BBS7: variants seen among roughly 807,000 people sequenced by gnomAD.
BBS7 encodes Bardet-Biedl syndrome 7, also known as BBSome complex member BBS7.
In BBS7, 50 loss-of-function variants were observed where a neutral mutation model predicts 90.3. The observed-to-expected ratio is 0.55, with a 90% CI of 0.44 to 0.70. The LOEUF is 0.70. BBS7 is among the 30% of genes least tolerant of loss of function. The pLI is 0.00. For synonymous variants in BBS7, 235 were observed against 287.4 expected, an observed-to-expected ratio of 0.82 and a Z score of 1.85; for missense variants, 729 against 838.9, an observed-to-expected ratio of 0.87 and a Z score of 1.62.
chr4:121,857,796 C>T (rs1479390097), intron 5 of BBS7, among the ~76,000 whole-genome samples: 1 of 133,028 alleles, frequency 7.5e-6, no homozygotes, highest in Non-Finnish European at 1.5e-5. Flanking sequence ...TAAAATGAAC[C>T]TTTTTTCTTT....
chr4:121,839,029 T>A (rs1725599035), intron 13 of BBS7, among the ~76,000 whole-genome samples: 1 of 152,134 alleles, frequency 6.6e-6, no homozygotes, highest in Non-Finnish European at 1.5e-5. Context: ...ATAATAGTGT[T>A]GTAGTTATGT....
At chr4:121,848,137 C>T (rs999077436) in intron 9 of BBS7, among the ~76,000 whole-genome samples, 2 of 152,078 alleles carry the variant, frequency 1.3e-5, no homozygotes, top group Admixed American at 6.5e-5. Flanking sequence ...ACATTTTCTC[C>T]TTATTTTTTA....
intron 4 of BBS7, among the ~76,000 whole-genome samples, chr4:121,860,932 A>G (rs1043500780): frequency 6.6e-6 from 1 of 152,184 alleles, no homozygotes; most frequent in Non-Finnish European, 1.5e-5. Flanking sequence ...AGGACAAGGA[A>G]TTGTTTAAGT....
At chr4:121,870,084 C>A (rs1727501963) in intron 1 of BBS7, among the ~76,000 whole-genome samples, 194 bp downstream of exon 1, 2 of 152,302 alleles carry the variant, frequency 1.3e-5, no homozygotes, top group African/African-American at 4.8e-5. Flanking sequence ...TGCCGCTTTT[C>A]CCCGGTCCCC....
chr4:121,865,593 T>C (rs1727223843), intron 2 of BBS7, among the ~76,000 whole-genome samples: 1 of 152,064 alleles, frequency 6.6e-6, no homozygotes, highest in Non-Finnish European at 1.5e-5. Flanking sequence ...TATATACCAC[T>C]TTTTTTTATA....
intron 8 of BBS7, among the ~76,000 whole-genome samples, chr4:121,850,767 G>T (rs932101783): frequency 3.9e-5 from 6 of 152,034 alleles, no homozygotes; most frequent in African/African-American, 1.4e-4. Flanking sequence ...TGGAAGGAAG[G>T]GACACTAGCA....
chr4:121,848,800 T>C, intron 9 of BBS7, 44 bp downstream of exon 9: 1 of 1,494,722 alleles, frequency 6.7e-7, no homozygotes, highest in Non-Finnish European at 9.3e-7. Context: ...TAATTTTTTT[T>C]GTTGTTGACT....
chr4:121,832,144 AC>A (rs1725223043), intron 15 of BBS7, among the ~76,000 whole-genome samples: 3 of 151,984 alleles, frequency 2.0e-5, no homozygotes, highest in African/African-American at 7.3e-5. Context: ...GGAGTTTGAG[AC>A]CAGCTTGACC....
intron 6 of BBS7, 116 bp from the exon 7 acceptor site, chr4:121,854,936 A>G: frequency 2.0e-6 from 2 of 1,011,436 alleles, no homozygotes; most frequent in Non-Finnish European, 2.9e-6. Flanking sequence ...AAGATATAAA[A>G]CTTAATTGTT....
At chr4:121,832,004 A>C (rs897650718) in intron 15 of BBS7, among the ~76,000 whole-genome samples, 2 of 122,244 alleles carry the variant, frequency 1.6e-5, no homozygotes, top group East Asian at 4.3e-4. Context: ...AGCAAAAAAA[A>C]CAAAAACACA....
At position 121,828,516 on chromosome 4, in the gene BBS7, T is replaced by G. The variant is rs779593410; in HGVS notation, c.1787-11A>C. 49 of 1,601,408 alleles carry G rather than the reference T, an allele frequency of 3.1e-5. No homozygotes were observed. Among genetic ancestry groups the G allele is most frequent in the Non-Finnish European group, 4.1e-5 (48 of 1,168,680 alleles). ...ATACTTCATTTATCTCTAGAAGGAG[T>G]TGACCAGATGCAGTTAGATAAATCA... On this transcript the variant is annotated splice_polypyrimidine_tract_variant and intron_variant, in intron 16 of 18. Coordinates refer to ENST00000264499, the MANE Select transcript of BBS7 (RefSeq NM_176824.3).
rs773038370 is a variant in BBS7, at chr4:121,845,689, A to G, written c.1045T>C (p.Leu349=). Residue 349 remains leucine, a synonymous_variant, in exon 11 of 19, where the codon TTG becomes CTG. Coordinates refer to ENST00000264499, the MANE Select transcript of BBS7 (RefSeq NM_176824.3). ...AATACCTTATACTGCAAATGTTCCA[A>G]CTCATTCCTGGAGAAAAACACATAC... ...QNKISSLRNE[L]EHLQYKVLQE... The G allele has an allele frequency of 6.8e-6, 11 of 1,612,024 alleles. No individual in the cohort carries two copies. Among genetic ancestry groups the G allele is most frequent in the Non-Finnish European group, 6.8e-6 (8 of 1,178,642 alleles).
At chr4:121,842,963 G>A (rs917623271) in intron 12 of BBS7, among the ~76,000 whole-genome samples, 8 of 152,222 alleles carry the variant, frequency 5.3e-5, no homozygotes, top group African/African-American at 1.4e-4. Context: ...TCTGTTGAAT[G>A]AAGTTTAGTA....
chr4:121,828,011 A>G (rs1372790029), intron 18 of BBS7, 135 bp downstream of exon 18: 8 of 1,489,750 alleles, frequency 5.4e-6, no homozygotes, highest in African/African-American at 1.4e-5. Flanking sequence ...TTTGTTGTCA[A>G]CTGATTCATG....
chr4:121,867,905 A>G (rs1337757606), intron 2 of BBS7, 76 bp downstream of exon 2: 14 of 1,250,064 alleles, frequency 1.1e-5, no homozygotes, highest in Non-Finnish European at 1.5e-5. Flanking sequence ...GAATAACTTA[A>G]TAATAAAGAA....
At position 121,868,008 on chromosome 4, in the gene BBS7, A is replaced by G. The variant is rs201906533; in HGVS notation, c.75T>C (p.Pro25=). The change falls in exon 2 of 19, where the codon CCT becomes CCC. Residue 25 remains proline (P), a synonymous_variant. Transcript: ENST00000264499. ...VTSQKTMKLI[P]ASRHRATQKV... ...TTTGTGTAGCTCTGTGTCTTGAGGC[A>G]GGAATTAGCTTCATAGTCTTCTGAG... 1 of 1,613,654 alleles carries G rather than the reference A, an allele frequency of 6.2e-7. No individual in the cohort carries two copies. Among genetic ancestry groups the G allele is most frequent in the Non-Finnish European group, 8.5e-7 (1 of 1,179,680 alleles).
In BBS7 at chr4:121,867,975, C is replaced by T. The variant is rs761226816; in HGVS notation, c.102+6G>A. On this transcript the variant is annotated splice_donor_region_variant and intron_variant, in intron 2 of 18. Transcript: ENST00000264499. The stretch of plus-strand genomic sequence containing the variant: ...AATAGTGGAGAAATCAGAATCTATA[C>T]AGTACCTTTTGTGTAGCTCTGTGTC... The T allele has an allele frequency of 1.9e-6, 3 of 1,609,294 alleles. No homozygotes were observed. Among genetic ancestry groups the T allele is most frequent in the African/African-American group, 1.3e-5 (1 of 74,792 alleles).
chr4:121,838,289 T>C (rs1283679206), intron 13 of BBS7, among the ~76,000 whole-genome samples: 1 of 150,732 alleles, frequency 6.6e-6, no homozygotes, highest in Non-Finnish European at 1.5e-5. Flanking sequence ...ATGAATTGTT[T>C]AGGGGAAAAA....
chr4:121,832,593 G>A (rs1420508159), intron 15 of BBS7, among the ~76,000 whole-genome samples: 2 of 152,174 alleles, frequency 1.3e-5, no homozygotes, highest in African/African-American at 2.4e-5. Context: ...AAGTGATGGT[G>A]GAGGAGCGAG....
Sources: gnomAD v4.1 joint callset for allele counts (sites outside exome capture counted in the v4.1 genomes callset) on GRCh38, gnomAD v4.1.1 for gene constraint, MANE v1.5 for transcripts, NCBI Gene and HGNC (gene_info 2026-07-23, HGNC 2026-07-21) for gene names.